Variants in ATP10A observed in about 807,000 individuals in gnomAD.
ATP10A encodes phospholipid-transporting ATPase VA.
A neutral mutation model predicts 147.8 loss-of-function variants in ATP10A; 111 were observed. That is an observed-to-expected ratio of 0.75 (90% CI 0.64 to 0.88). The LOEUF (loss-of-function observed/expected upper bound fraction) is 0.88. Among genes scored for constraint, ATP10A ranks in the 40% least tolerant of loss-of-function variants. The probability of loss-of-function intolerance (pLI) is 0.00; values close to 1 mark genes in which losing one functional copy is unlikely to be tolerated. For synonymous variants in ATP10A, 875 were observed against 841.6 expected (o/e 1.04, Z -0.69); for missense variants, 1,927 against 1,959.0 (o/e 0.98, Z 0.31).
At position 25,708,254 on chromosome 15, in the gene ATP10A, C is replaced by A; in HGVS notation, c.2391G>T (p.Gln797His). ...RHQKKIRSKTQNYLNVYAAEG... is the reference protein window; with the variant it reads ...RHQKKIRSKTHNYLNVYAAEG... ...CCGCCGCATACACGTTGAGGTAATTCTGAGTTTTGCTCCGAATCTTTTTTT... is the reference window on the plus strand; with the variant it reads ...CCGCCGCATACACGTTGAGGTAATTATGAGTTTTGCTCCGAATCTTTTTTT... Residue 797 changes from glutamine (Q) to histidine (H), a missense_variant, in exon 11 of 21, where the codon CAG becomes CAT. By Grantham distance (24) the Gln-to-His change is conservative. Transcript: ENST00000555815. 2 of 1,614,196 alleles carry A rather than the reference C, an allele frequency of 1.2e-6. No individual in the cohort carries two copies. The highest frequency in any genetic ancestry group is 1.7e-6 in the Non-Finnish European group (2 of 1,180,040).
intron 1 of ATP10A, among the ~76,000 whole-genome samples, chr15:25,798,537 C>T (rs971958832): frequency 6.6e-6 from 1 of 152,146 alleles, no homozygotes; most frequent in Non-Finnish European, 1.5e-5. Flanking sequence ...ATTAAATGAC[C>T]CTGCAATAGC....
At chr15:25,813,853 T>TA (rs1327343563) in intron 1 of ATP10A, among the ~76,000 whole-genome samples, 2 of 151,746 alleles carry the variant, frequency 1.3e-5, no homozygotes, top group Non-Finnish European at 2.9e-5. Flanking sequence ...AAACAGACTT[T>TA]TTTTTTTAAA....
intron 1 of ATP10A, among the ~76,000 whole-genome samples, chr15:25,816,748 C>T (rs917489071): frequency 2.0e-5 from 3 of 152,100 alleles, no homozygotes; most frequent in South Asian, 4.1e-4. Context: ...GTCTTAGTCA[C>T]ATTATTTTTT....
At chr15:25,675,445 G>C (rs2930634), downstream of ATP10A, among the ~76,000 whole-genome samples, 2 of 152,164 alleles carry the variant, frequency 1.3e-5, no homozygotes, top group Non-Finnish European at 2.9e-5. Flanking sequence ...TGTGAGAACA[G>C]GCTAGGTTGA....
At chr15:25,673,885 G>A (rs552257055), downstream of ATP10A, among the ~76,000 whole-genome samples, 10 of 152,318 alleles carry the variant, frequency 6.6e-5, no homozygotes, top group East Asian at 1.9e-3. Flanking sequence ...CCTGTCCAGA[G>A]CTGTCCTGCG....
intron 1 of ATP10A, among the ~76,000 whole-genome samples, chr15:25,784,985 C>A (rs1890091460): frequency 1.3e-5 from 2 of 151,744 alleles, no homozygotes; most frequent in Admixed American, 6.6e-5. Context: ...AGGGACAGAC[C>A]CTGGAAGACT....
At chr15:25,794,197 G>A (rs1056280196) in intron 1 of ATP10A, among the ~76,000 whole-genome samples, 4 of 152,184 alleles carry the variant, frequency 2.6e-5, no homozygotes, top group Non-Finnish European at 4.4e-5. Context: ...CTGGGTCAAA[G>A]CCCTCAGATG....
At chr15:25,827,024 A>G (rs752927018) in intron 1 of ATP10A, among the ~76,000 whole-genome samples, 3 of 152,236 alleles carry the variant, frequency 2.0e-5, no homozygotes, top group Non-Finnish European at 4.4e-5. Flanking sequence ...GAAAAAAGTG[A>G]TGCAAGTCAT....
chr15:25,779,463 A>T (rs1003597833), intron 2 of ATP10A, among the ~76,000 whole-genome samples: 1 of 151,842 alleles, frequency 6.6e-6, no homozygotes, highest in Non-Finnish European at 1.5e-5. Flanking sequence ...TCCCTGGCTG[A>T]TGTCAGTGTT....
intron 1 of ATP10A, among the ~76,000 whole-genome samples, chr15:25,836,379 G>A (rs960179246): frequency 6.6e-6 from 1 of 151,822 alleles, no homozygotes; most frequent in Admixed American, 6.6e-5. Context: ...TCCTTTCCGC[G>A]GGTTGTCTGA....
chr15:25,860,991 G>C (rs1893733586), intron 1 of ATP10A, among the ~76,000 whole-genome samples: 1 of 152,206 alleles, frequency 6.6e-6, no homozygotes, highest in African/African-American at 2.4e-5. Flanking sequence ...GCTATGTGGT[G>C]GAGGCCTCGC....
intron 13 of ATP10A, among the ~76,000 whole-genome samples, chr15:25,701,434 C>T (rs908408887): frequency 1.3e-5 from 2 of 152,130 alleles, no homozygotes; most frequent in Non-Finnish European, 2.9e-5. Flanking sequence ...GCCTGAAAGC[C>T]GGCGCAAGAA....
intron 16 of ATP10A, among the ~76,000 whole-genome samples, chr15:25,684,652 C>G (rs374704816): frequency 2.0e-5 from 3 of 152,110 alleles, no homozygotes; most frequent in Non-Finnish European, 2.9e-5. Context: ...TGTTCAACTG[C>G]GATGGGTCTT....
intron 1 of ATP10A, among the ~76,000 whole-genome samples, chr15:25,848,501 T>A (rs1245344799): frequency 6.6e-6 from 1 of 152,088 alleles, no homozygotes; most frequent in Non-Finnish European, 1.5e-5. Flanking sequence ...GACATGGATC[T>A]TACTGGGTCA....
At chr15:25,795,223 T>C (rs1173450766) in intron 1 of ATP10A, among the ~76,000 whole-genome samples, 1 of 152,038 alleles carries the variant, frequency 6.6e-6, no homozygotes, top group Non-Finnish European at 1.5e-5. Context: ...AGCCAGGGCA[T>C]CCCCACCTTC....
At chr15:25,728,003 AGCCC>A in intron 3 of ATP10A, among the ~76,000 whole-genome samples, 2 of 152,176 alleles carry the variant, frequency 1.3e-5, no homozygotes, top group East Asian at 3.9e-4. Flanking sequence ...CCGGAACTGT[AGCCC>A]AGGCCTGCTG....
At chr15:25,828,370 C>G (rs571701345) in intron 1 of ATP10A, among the ~76,000 whole-genome samples, 6 of 152,336 alleles carry the variant, frequency 3.9e-5, no homozygotes, top group African/African-American at 1.2e-4. Flanking sequence ...CGTGGCGTGT[C>G]CTGTAGTACA....
intron 1 of ATP10A, among the ~76,000 whole-genome samples, chr15:25,800,111 G>T (rs1455675644): frequency 6.6e-6 from 1 of 152,126 alleles, no homozygotes; most frequent in African/African-American, 2.4e-5. Context: ...AAAACGCAAG[G>T]GTGCACGCAA....
chr15:25,828,766 T>A (rs1418303095), intron 1 of ATP10A, among the ~76,000 whole-genome samples: 1 of 152,202 alleles, frequency 6.6e-6, no homozygotes, highest in Non-Finnish European at 1.5e-5. Flanking sequence ...AGTATTCCAG[T>A]AAGTGAACCA....
Sources: allele counts gnomAD v4.1 joint callset (sites outside exome capture counted in the v4.1 genomes callset), GRCh38; gene constraint gnomAD v4.1.1; transcripts MANE v1.5; gene names NCBI Gene and HGNC (gene_info 2026-07-23, HGNC 2026-07-21).